Variants in PLEKHG4B observed in about 807,000 individuals in gnomAD.
The protein encoded by PLEKHG4B is pleckstrin homology and RhoGEF domain containing G4B, also known as pleckstrin homology domain-containing family G member 4B.
A neutral mutation model predicts 121.3 loss-of-function variants in PLEKHG4B; 111 were observed. The ratio of observed to expected loss-of-function variants is 0.92; its 90% confidence interval spans 0.78 to 1.07. The LOEUF is 1.07. PLEKHG4B is among the 50% of genes least tolerant of loss of function. The probability of loss-of-function intolerance (pLI) is 0.00; values close to 1 mark genes in which losing one functional copy is unlikely to be tolerated. For missense variants in PLEKHG4B, 1,831 were observed against 1,757.8 expected (o/e 1.04, Z -0.74); for synonymous variants, 738 against 725.0 (o/e 1.02, Z -0.29).
Position 143,519 on chromosome 5 carries a change from A to G in PLEKHG4B, c.1811+16A>G. ...GCATCCCCAGGTGGGACGGGGGGCA[A>G]GGCCGCACCCTGCAGACCCATGGGA... is the stretch of plus-strand genomic sequence containing the variant. On this transcript the variant is annotated intron_variant, in intron 5 of 19. Coordinates refer to ENST00000637938, the MANE Select transcript of PLEKHG4B (RefSeq NM_052909.5). The G allele has an allele frequency of 1.2e-6, 2 of 1,612,260 alleles. No individual in the cohort carries two copies. Among genetic ancestry groups the G allele is most frequent in the Non-Finnish European group, 1.7e-6 (2 of 1,179,742 alleles).
intron 7 of PLEKHG4B, among the ~76,000 whole-genome samples, chr5:154,451 G>GC (rs113946201): frequency 0.021 from 3,213 of 152,210 alleles, 117 homozygotes; most frequent in African/African-American, 0.073. Context: ...TGCTGGCCCC[G>GC]CATGCATCAG....
At chr5:179,059 G>A (rs1443823167) in intron 18 of PLEKHG4B, among the ~76,000 whole-genome samples, 1 of 152,176 alleles carries the variant, frequency 6.6e-6, no homozygotes, top group East Asian at 1.9e-4. Context: ...GATACAGAAG[G>A]CCAACTGTGC....
intron 1 of PLEKHG4B, among the ~76,000 whole-genome samples, chr5:106,842 T>C (rs995146778): frequency 1.3e-5 from 2 of 151,968 alleles, no homozygotes; most frequent in African/African-American, 4.8e-5. Flanking sequence ...CTTCTGTGTG[T>C]GTGTGTGCAC....
Position 157,684 on chromosome 5 carries a change from G to A in PLEKHG4B, c.2487+773G>A, listed in dbSNP as rs984313433. Among the ~76,000 whole-genome samples the A allele has an allele frequency of 6.6e-6, 1 of 152,306 alleles. No homozygotes were observed. Among genetic ancestry groups the A allele is most frequent in the African/African-American group, 2.4e-5 (1 of 41,550 alleles). On this transcript the variant is annotated intron_variant, in intron 11 of 19. Transcript: ENST00000637938. This position sits in a 1 kb window ranked among gnomAD's most constrained non-coding sequence, Gnocchi z 4.6. ...CTCATTTTGATGCCCCTCTGGGCCT[G>A]ACAGTTTAAGGGGTGCACACTCAGA...
chr5:172,736 C>T (rs370103438), intron 16 of PLEKHG4B, among the ~76,000 whole-genome samples, 161 bp from the exon 17 acceptor site: 125 of 152,300 alleles, frequency 8.2e-4, no homozygotes, highest in African/African-American at 2.8e-3. Flanking sequence ...TCTTTGAAAC[C>T]TTTAACAGCT....
intron 13 of PLEKHG4B, among the ~76,000 whole-genome samples, chr5:165,617 G>A (rs1324794138): frequency 2.4e-4 from 10 of 41,118 alleles, no homozygotes; most frequent in African/African-American, 8.6e-4. Context: ...CTCTGACGGG[G>A]CGGAGCTCAC....
intron 5 of PLEKHG4B, 61 bp downstream of exon 5, chr5:143,564 G>A: frequency 6.3e-7 from 1 of 1,588,034 alleles, no homozygotes; most frequent in Non-Finnish European, 8.6e-7. Flanking sequence ...CATGTGTGTG[G>A]CAAAGTGGGG....
chr5:173,941 G>A lies in PLEKHG4B; in HGVS notation c.4245G>A (p.Glu1415=), dbSNP rs781734048. Residue 1415 remains glutamate (E), a synonymous_variant, in exon 18 of 20, where the codon GAG becomes GAA. Transcript: ENST00000637938. ...AGACGGCCGAGATCGGGATGACAGA[G>A]AACGTCGGGGACAGTGGCTTGAGGT... ...SFKTAEIGMT[E]NVGDSGLRFE... is the part of the protein sequence containing the mutation. 1.9e-6 allele frequency: 3 copies of A among 1,613,564 alleles called. No homozygotes were observed. Among genetic ancestry groups the A allele is most frequent in the Admixed American group, 3.3e-5 (2 of 59,962 alleles).
chr5:173,071 G>T lies in PLEKHG4B; in HGVS notation c.4221+4G>T. 6.2e-7 allele frequency: 1 copy of T among 1,613,616 alleles called. No individual in the cohort carries two copies. Among genetic ancestry groups the T allele is most frequent in the Non-Finnish European group, 8.5e-7 (1 of 1,179,604 alleles). On this transcript the variant is annotated splice_donor_region_variant and intron_variant, in intron 17 of 19. Coordinates refer to ENST00000637938, the MANE Select transcript of PLEKHG4B (RefSeq NM_052909.5). Reference sequence around the variant, plus strand: ...CCTGTACAAGCAGTCCTTCAAGGTAGCACCCGCCCGGTCCGATTGGGTGCA... The same window carrying T: ...CCTGTACAAGCAGTCCTTCAAGGTATCACCCGCCCGGTCCGATTGGGTGCA...
chr5:181,947 C>A (rs1733405713), intron 19 of PLEKHG4B, 57 bp from the exon 20 acceptor site: 4 of 1,555,406 alleles, frequency 2.6e-6, no homozygotes, highest in African/African-American at 2.7e-5. Context: ...CATTCCCGAA[C>A]CTGGGCTGCA....
intron 13 of PLEKHG4B, among the ~76,000 whole-genome samples, chr5:165,132 G>C (rs529139972): frequency 1.0e-5 from 1 of 98,304 alleles, no homozygotes. Flanking sequence ...ACACAGTAAT[G>C]CTGTGACGGG....
chr5:159,239 G>A lies in PLEKHG4B; in HGVS notation c.2487+2328G>A, dbSNP rs1184747564. On this transcript the variant is annotated intron_variant, in intron 11 of 19. Transcript: ENST00000637938. The surrounding 1 kb of genome is among the most constrained non-coding windows in gnomAD (Gnocchi z 5.5). ...CCTGAGGGTCGCCCAGGTGCACTGA[G>A]GGCAGGTGTGCCTGAGGGTCGCCCA... is the stretch of plus-strand genomic sequence containing the variant. Among the ~76,000 whole-genome samples, 5 of 123,328 alleles carry A rather than the reference G, an allele frequency of 4.1e-5. No homozygotes were observed. Among genetic ancestry groups the A allele is most frequent in the Admixed American group, 3.7e-4 (5 of 13,506 alleles). The allele number at this position is 123,328 out of a possible 152,430, so 80.9% of individuals were successfully genotyped here.
chr5:160,828 C>G (rs943832890), intron 11 of PLEKHG4B, among the ~76,000 whole-genome samples: 1 of 151,878 alleles, frequency 6.6e-6, no homozygotes, highest in African/African-American at 2.4e-5. Flanking sequence ...GCCACCCCCA[C>G]TCTGCTCTGC....
rs891761866 is a variant in PLEKHG4B, at chr5:139,561, T to A, written c.322T>A (p.Ser108Thr). ...AHEKVVVQLA[S>T]LHGVRLQPGD... ...TGAGAAGGTGGTGGTGCAGCTGGCG[T>A]CCCTGCACGGAGTCAGGCTCCAGCC... The change falls in exon 3 of 20, where the codon TCC becomes ACC. Residue 108 changes from serine to threonine, a missense_variant. Ser to Thr is a moderately conservative substitution (Grantham distance 58). Transcript: ENST00000637938. This position sits in a 1 kb window ranked among gnomAD's most constrained non-coding sequence, Gnocchi z 5.0. The A allele has an allele frequency of 2.5e-6, 1 of 398,854 alleles. No individual in the cohort carries two copies. Among genetic ancestry groups the A allele is most frequent in the African/African-American group, 2.1e-5 (1 of 48,626 alleles). 24.7% of individuals were successfully genotyped at this position (398,854 alleles called of 1,614,324 possible).
At chr5:118,492 C>G (rs903035369) in intron 2 of PLEKHG4B, among the ~76,000 whole-genome samples, 1 of 152,192 alleles carries the variant, frequency 6.6e-6, no homozygotes, top group Non-Finnish European at 1.5e-5. Flanking sequence ...ACATTTATCT[C>G]AAGGGTGTAT....
In PLEKHG4B at chr5:143,501, C is replaced by T. The variant is rs377206088; in HGVS notation, c.1809C>T (p.Pro603=). Residue 603 remains proline (P), a splice_region_variant and synonymous_variant, in exon 5 of 20, where the codon CCC becomes CCT. Transcript: ENST00000637938. ...TRLLLYFHSI[P]RKEVRDLGLV... is the part of the protein sequence containing the mutation. Reference sequence around the variant, plus strand: ...TGCTGCTGTACTTCCATAGCATCCCCAGGTGGGACGGGGGGCAAGGCCGCA... The same window carrying T: ...TGCTGCTGTACTTCCATAGCATCCCTAGGTGGGACGGGGGGCAAGGCCGCA... The T allele has an allele frequency of 1.2e-5, 19 of 1,612,614 alleles. No homozygotes were observed. In the African/African-American group the frequency reaches 2.5e-4, roughly 22 times the overall value.
chr5:99,926 C>A (rs1733753020), intron 1 of PLEKHG4B, among the ~76,000 whole-genome samples: 1 of 152,046 alleles, frequency 6.6e-6, no homozygotes, highest in African/African-American at 2.4e-5. Context: ...GGTCTGTTAT[C>A]ATGAAAGGGT....
At chr5:121,110 G>C (rs1345170619) in intron 2 of PLEKHG4B, among the ~76,000 whole-genome samples, 2 of 152,058 alleles carry the variant, frequency 1.3e-5, no homozygotes, top group Non-Finnish European at 2.9e-5. Context: ...AGCCAGTCAT[G>C]GTGGCGGGTG....
rs967806670 is a variant in PLEKHG4B at position 113,420 on chromosome 5, C to T, written c.215C>T (p.Ala72Val). Residue 72 changes from alanine to valine, a missense_variant, in exon 2 of 20, where the codon GCC becomes GTC. Physicochemically the swap from Ala to Val is moderately conservative, Grantham distance 64. Coordinates refer to ENST00000637938, the MANE Select transcript of PLEKHG4B (RefSeq NM_052909.5). This position sits in a 1 kb window ranked among gnomAD's most constrained non-coding sequence, Gnocchi z 5.2. ...LTSFLLPAKR[A>V]LQHLQQEACA... ...AGCTTCCTCCTCCCAGCCAAGAGGG[C>T]CCTGCAGCACCTGCAGCAGGAAGCC... 1 of 399,104 alleles carries T rather than the reference C, an allele frequency of 2.5e-6. No homozygotes were observed. Among genetic ancestry groups the T allele is most frequent in the Non-Finnish European group, 4.4e-6 (1 of 226,130 alleles). The allele number at this position is 399,104 out of a possible 1,614,324, so 24.7% of individuals were successfully genotyped here.
Sources: allele counts gnomAD v4.1 joint callset (sites outside exome capture counted in the v4.1 genomes callset), GRCh38; gene constraint gnomAD v4.1.1; non-coding constraint Gnocchi (gnomAD v3.1); transcripts MANE v1.5; gene names NCBI Gene and HGNC (gene_info 2026-07-23, HGNC 2026-07-21).